The following THSD7B variants were observed in gnomAD, a reference collection of about 807,000 sequenced individuals.
THSD7B encodes the protein thrombospondin type 1 domain containing 7B.
Under a neutral mutation model 213.6 loss-of-function variants are expected in THSD7B, and 138 were observed. The observed-to-expected ratio is 0.65, with a 90% CI of 0.56 to 0.74. The LOEUF (loss-of-function observed/expected upper bound fraction) is 0.74. Ranked by LOEUF, THSD7B falls within the 30% of genes least tolerant of loss-of-function variation. The pLI, the probability that THSD7B is intolerant of heterozygous loss-of-function variation, is 0.00. For missense variants in THSD7B, 1,931 were observed against 1,991.5 expected, an observed-to-expected ratio of 0.97 and a Z score of 0.58; for synonymous variants, 742 against 687.0, an observed-to-expected ratio of 1.08 and a Z score of -1.25.
At chr2:137,579,410 A>G (rs747231436) in intron 17 of THSD7B, among the ~76,000 whole-genome samples, 1 of 152,128 alleles carries the variant, frequency 6.6e-6, no homozygotes, top group Non-Finnish European at 1.5e-5. Flanking sequence ...GAACCACACC[A>G]TTGACTGTCT....
At chr2:137,296,784 C>T (rs1262534042) in intron 12 of THSD7B, among the ~76,000 whole-genome samples, 2 of 152,038 alleles carry the variant, frequency 1.3e-5, no homozygotes, top group Non-Finnish European at 2.9e-5. Flanking sequence ...GCTCCTCTCA[C>T]CTGGGCTCTG....
intron 7 of THSD7B, among the ~76,000 whole-genome samples, chr2:137,200,190 A>G (rs1287409689): frequency 6.6e-6 from 1 of 152,144 alleles, no homozygotes; most frequent in African/African-American, 2.4e-5. Context: ...ATTCAAGGGC[A>G]TAGGAGTACC....
chr2:136,793,426 G>A (rs1682002022), intron 1 of THSD7B, among the ~76,000 whole-genome samples: 1 of 151,976 alleles, frequency 6.6e-6, no homozygotes, highest in Admixed American at 6.6e-5. Flanking sequence ...TAAAAATTGG[G>A]TTGGAAGTCC....
intron 7 of THSD7B, among the ~76,000 whole-genome samples, chr2:137,223,107 T>C (rs1332521458): frequency 1.3e-5 from 2 of 152,128 alleles, no homozygotes; most frequent in Non-Finnish European, 2.9e-5. Flanking sequence ...TGTTTTATCA[T>C]GTGGGGATAG....
chr2:137,366,034 A>T lies in THSD7B; in HGVS notation c.2501-39579A>T, dbSNP rs557506261. Among the ~76,000 whole-genome samples, 8 of 152,244 alleles carry T rather than the reference A, an allele frequency of 5.3e-5. No individual in the cohort carries two copies. The South Asian group carries it at 1.7e-3, about 32-fold the overall frequency. ...AGACTGGATTAAGAAAATGTGGCAA[A>T]TATACACCATGGAATACTATGCAGC... is the stretch of plus-strand genomic sequence containing the variant. On this transcript the variant is annotated intron_variant, in intron 12 of 27. Transcript: ENST00000409968.
chr2:137,445,144 C>G (rs899531969), intron 14 of THSD7B, among the ~76,000 whole-genome samples: 2 of 151,770 alleles, frequency 1.3e-5, no homozygotes, highest in African/African-American at 4.8e-5. Context: ...GAAGAATGCT[C>G]GTACACAGTT....
At chr2:136,834,605 G>A (rs1214004191) in intron 1 of THSD7B, among the ~76,000 whole-genome samples, 1 of 151,960 alleles carries the variant, frequency 6.6e-6, no homozygotes, top group African/African-American at 2.4e-5. Context: ...TCTAGGACTA[G>A]GGGTATAGTG....
rs1399605754 is a variant in THSD7B, at chr2:137,404,442, T to G, written c.2501-1171T>G. Among the ~76,000 whole-genome samples the G allele has an allele frequency of 4.4e-4, 10 of 22,582 alleles. No individual in the cohort carries two copies. The East Asian group carries it at 0.013, about 29-fold the overall frequency. 14.8% of individuals were successfully genotyped at this position (22,582 alleles called of 152,430 possible). ...AAAGAAACTCTGAGATATATATATATATATATATATATATATATATATATA... is the reference window on the plus strand; with the variant it reads ...AAAGAAACTCTGAGATATATATATAGATATATATATATATATATATATATA... On this transcript the variant is annotated intron_variant, in intron 12 of 27. Coordinates refer to ENST00000409968, the MANE Select transcript of THSD7B (RefSeq NM_001316349.2).
At chr2:136,787,045 T>G (rs1247350259) in intron 1 of THSD7B, among the ~76,000 whole-genome samples, 1 of 152,180 alleles carries the variant, frequency 6.6e-6, no homozygotes, top group African/African-American at 2.4e-5. Context: ...TATCAAGAAC[T>G]GAACCTAAAA....
At chr2:137,139,581 A>G (rs773142048) in intron 5 of THSD7B, among the ~76,000 whole-genome samples, 4 of 152,096 alleles carry the variant, frequency 2.6e-5, no homozygotes, top group African/African-American at 9.7e-5. Flanking sequence ...TAGTCATTTG[A>G]TTTCTAGCTA....
intron 15 of THSD7B, among the ~76,000 whole-genome samples, chr2:137,454,980 G>A (rs936211932): frequency 5.0e-5 from 7 of 140,678 alleles, no homozygotes; most frequent in African/African-American, 1.6e-4. Context: ...GATACATTAT[G>A]TGTCAGATTG....
chr2:137,546,835 A>G (rs1239573223), intron 15 of THSD7B, among the ~76,000 whole-genome samples: 1 of 151,784 alleles, frequency 6.6e-6, no homozygotes, highest in African/African-American at 2.4e-5. Context: ...TGCTCTTGTT[A>G]CAAGTGGCTT....
intron 15 of THSD7B, among the ~76,000 whole-genome samples, chr2:137,562,594 TTGTGTGTGTGTG>T (rs72488766): frequency 2.8e-5 from 4 of 144,968 alleles, no homozygotes; most frequent in African/African-American, 5.1e-5. Context: ...GTATTTCTCT[TTGTGTGTGTGTG>T]TGTGTGTGTG....
chr2:137,069,564 T>C (rs1052206993), intron 3 of THSD7B, among the ~76,000 whole-genome samples: 3 of 151,994 alleles, frequency 2.0e-5, no homozygotes, highest in Non-Finnish European at 1.5e-5. Flanking sequence ...CAGAACACTT[T>C]AGTTAAATGA....
In THSD7B at chr2:137,311,922, G is replaced by A. The variant is rs559378179; in HGVS notation, c.2500+35896G>A. On this transcript the variant is annotated intron_variant, in intron 12 of 27. Coordinates refer to ENST00000409968, the MANE Select transcript of THSD7B (RefSeq NM_001316349.2). ...ATTTGGTTTGCCAGTATTTTATTGA[G>A]GATTTTTGCATCAATGTTCATCAAG... 2.8e-5 allele frequency among the ~76,000 whole-genome samples: 4 copies of A among 141,258 alleles called. No individual in the cohort carries two copies. In the Admixed American group the frequency reaches 2.8e-4, roughly 10 times the overall value. The allele number at this position is 141,258 out of a possible 152,430, so 92.7% of individuals were successfully genotyped here. A position where few individuals can be genotyped will look rare whatever the true frequency, so the allele number is the denominator to read the frequency against.
chr2:137,482,437 C>T (rs892271187), intron 15 of THSD7B, among the ~76,000 whole-genome samples: 1 of 152,076 alleles, frequency 6.6e-6, no homozygotes, highest in African/African-American at 2.4e-5. Context: ...TACTTATGTG[C>T]CCTGTGGGTC....
chr2:137,248,009 A>C (rs1179022732), intron 10 of THSD7B, among the ~76,000 whole-genome samples: 3 of 152,110 alleles, frequency 2.0e-5, no homozygotes, highest in African/African-American at 7.2e-5. Context: ...ATTTAATCTC[A>C]ACCCCATTGA....
intron 1 of THSD7B, among the ~76,000 whole-genome samples, chr2:136,789,900 G>A (rs1337308919): frequency 6.6e-6 from 1 of 152,148 alleles, no homozygotes; most frequent in Non-Finnish European, 1.5e-5. Context: ...CAAGCTCATT[G>A]CATGAGCAAA....
chr2:136,831,129 C>CTTTTTTTTTT (rs776235166), intron 1 of THSD7B, among the ~76,000 whole-genome samples: 1 of 119,892 alleles, frequency 8.3e-6, no homozygotes, highest in East Asian at 2.5e-4. Context: ...CCTGTAGAAT[C>CTTTTTTTTTT]TTTTTTTTTT....
Sources: allele counts gnomAD v4.1 joint callset (sites outside exome capture counted in the v4.1 genomes callset), GRCh38; gene constraint gnomAD v4.1.1; transcripts MANE v1.5; gene names NCBI Gene and HGNC (gene_info 2026-07-23, HGNC 2026-07-21).